The following SLC12A1 variants were observed in gnomAD, a reference collection of about 807,000 sequenced individuals.
SLC12A1 encodes solute carrier family 12 member 1, also known as Na-K-2Cl cotransporter.
SLC12A1 carries 89 observed loss-of-function variants against 130.4 expected under a neutral mutation model. The observed-to-expected ratio is 0.68, with a 90% CI of 0.58 to 0.81. The LOEUF (loss-of-function observed/expected upper bound fraction) is 0.81. SLC12A1 is among the 40% of genes least tolerant of loss of function. The probability of loss-of-function intolerance (pLI) is 0.00; values close to 1 mark genes in which losing one functional copy is unlikely to be tolerated. For missense variants in SLC12A1, 1,310 were observed against 1,336.4 expected (o/e 0.98, Z 0.31); for synonymous variants, 499 against 460.0 (o/e 1.08, Z -1.09).
intron 23 of SLC12A1, 140 bp from the exon 24 acceptor site, chr15:48,291,636 AAC>A: frequency 1.6e-6 from 1 of 642,988 alleles, no homozygotes; most frequent in Non-Finnish European, 2.8e-6. Context: ...ATGAAAATCA[AAC>A]ACCAACCAAA....
At position 48,241,587 on chromosome 15, in the gene SLC12A1, G is replaced by A; in HGVS notation, c.1288G>A (p.Ala430Thr). Reference sequence around the variant, plus strand: ...CACCACTGTTGCCTACTTAGGGGTTGCAATTTGTGTAGGTAAGTGGTACGT... The same window carrying A: ...CACCACTGTTGCCTACTTAGGGGTTACAATTTGTGTAGGTAAGTGGTACGT... ...FITTVAYLGV[A>T]ICVGACVVRD... Residue 430 changes from alanine to threonine, a missense_variant, in exon 10 of 27, where the codon GCA (alanine) becomes ACA (threonine). Physicochemically the swap from Ala to Thr is moderately conservative, Grantham distance 58. Transcript: ENST00000380993. 2 of 1,613,010 alleles carry A rather than the reference G, an allele frequency of 1.2e-6. No individual in the cohort carries two copies. The highest frequency in any genetic ancestry group is 1.7e-6 in the Non-Finnish European group (2 of 1,179,046).
rs1204474368 is a variant in SLC12A1 at position 48,278,094 on chromosome 15, TG to T, written c.2485+3442del. On this transcript the variant is annotated intron_variant, in intron 20 of 26. Coordinates refer to ENST00000380993, the MANE Select transcript of SLC12A1 (RefSeq NM_000338.3). The stretch of plus-strand genomic sequence containing the variant: ...CCACTCAGTGAGTATTCACTATTAA[TG>T]TATATTCCCTCCTAGTAGAACTTAA... 2.0e-5 allele frequency among the ~76,000 whole-genome samples: 3 copies of T among 152,196 alleles called. No individual in the cohort carries two copies. In the East Asian group the frequency reaches 5.8e-4, roughly 29 times the overall value.
intron 16 of SLC12A1, 91 bp downstream of exon 16, chr15:48,256,001 C>T: frequency 2.6e-6 from 2 of 774,720 alleles, no homozygotes; most frequent in Non-Finnish European, 4.5e-6. Flanking sequence ...TAGTTATAAG[C>T]TTTAGGGGTA....
At chr15:48,259,910 C>A (rs1343204109) in intron 17 of SLC12A1, among the ~76,000 whole-genome samples, 1 of 152,088 alleles carries the variant, frequency 6.6e-6, no homozygotes, top group African/African-American at 2.4e-5. Flanking sequence ...AAAACTGGTG[C>A]TAGTAATTTA....
intron 23 of SLC12A1, among the ~76,000 whole-genome samples, chr15:48,289,405 A>ATC (rs2042094444): frequency 8.9e-6 from 1 of 112,246 alleles, no homozygotes; most frequent in Non-Finnish European, 1.7e-5. Context: ...ATATATATAT[A>ATC]TATATATATA....
intron 23 of SLC12A1, among the ~76,000 whole-genome samples, chr15:48,289,576 A>G (rs61999062): frequency 6.6e-6 from 1 of 152,064 alleles, no homozygotes; most frequent in East Asian, 1.9e-4. Flanking sequence ...CATAGAGTGT[A>G]CTTACACAAA....
chr15:48,297,378 C>A (rs1250427890), intron 24 of SLC12A1, among the ~76,000 whole-genome samples: 1 of 152,116 alleles, frequency 6.6e-6, no homozygotes, highest in Non-Finnish European at 1.5e-5. Context: ...GTTATGTGCC[C>A]ACCTGGCCAA....
rs538096803 is a variant in SLC12A1 at position 48,216,662 on chromosome 15, A to AT, written c.421-3964dup. On this transcript the variant is annotated intron_variant, in intron 2 of 26. Coordinates refer to ENST00000380993, the MANE Select transcript of SLC12A1 (RefSeq NM_000338.3). ...ATTTTGATTAACTAGAATATTGACAATTTTTTTTAAAGTTTTTCTCAAATC... is the reference window on the plus strand; with the variant it reads ...ATTTTGATTAACTAGAATATTGACAATTTTTTTTTAAAGTTTTTCTCAAATC... Among the ~76,000 whole-genome samples, 45 of 152,178 alleles carry AT rather than the reference A, an allele frequency of 3.0e-4. No individual in the cohort carries two copies. In the East Asian group the frequency reaches 8.1e-3, roughly 27 times the overall value.
rs778408731 is a variant in SLC12A1 at position 48,302,868 on chromosome 15, T to A, written c.3283T>A (p.Leu1095Met). Residue 1095 changes from leucine (L) to methionine (M), a missense_variant, in exon 27 of 27, where the codon TTG becomes ATG. By Grantham distance (15) the Leu-to-Met change is conservative. Transcript: ENST00000380993. ...AGTTAGAGGAAATCACAAAAATGTC[T>A]TGACATTTTACTCTTAAAACATGAA... is the stretch of plus-strand genomic sequence containing the variant. ...LLVRGNHKNV[L>M]TFYS 3 of 1,609,906 alleles carry A rather than the reference T, an allele frequency of 1.9e-6. No individual in the cohort carries two copies. Among genetic ancestry groups the A allele is most frequent in the Non-Finnish European group, 1.7e-6 (2 of 1,176,482 alleles).
chr15:48,254,746 T>C (rs1280332341), intron 15 of SLC12A1, among the ~76,000 whole-genome samples: 3 of 147,346 alleles, frequency 2.0e-5, no homozygotes, highest in Admixed American at 1.4e-4. Context: ...ACGGTGAAAC[T>C]CCGTCTCTAC....
At chr15:48,255,247 G>T (rs982131183) in intron 15 of SLC12A1, among the ~76,000 whole-genome samples, 9 of 152,014 alleles carry the variant, frequency 5.9e-5, no homozygotes, top group Admixed American at 2.6e-4. Context: ...AGACCAGTCT[G>T]GCCAATATGG....
At chr15:48,272,065 G>A (rs2041903933) in intron 19 of SLC12A1, among the ~76,000 whole-genome samples, 1 of 152,136 alleles carries the variant, frequency 6.6e-6, no homozygotes, top group African/African-American at 2.4e-5. Flanking sequence ...TCCAAAGGGA[G>A]CAAAATAATC....
At chr15:48,297,565 T>A (rs764304182) in intron 24 of SLC12A1, among the ~76,000 whole-genome samples, 6 of 152,264 alleles carry the variant, frequency 3.9e-5, no homozygotes, top group Non-Finnish European at 8.8e-5. Flanking sequence ...TAACAAGGAT[T>A]TGGGCTGAGC....
intron 10 of SLC12A1, 67 bp downstream of exon 10, chr15:48,241,666 A>C: frequency 9.3e-7 from 1 of 1,073,250 alleles, no homozygotes; most frequent in South Asian, 1.3e-5. Context: ...ACGTCTAGTG[A>C]GCTTTCAATG....
intron 4 of SLC12A1, chr15:48,221,300 T>A (rs759373794): frequency 1.4e-6 from 1 of 701,552 alleles, no homozygotes; most frequent in South Asian, 1.5e-5. Flanking sequence ...AATATTTGTA[T>A]TGGGGGACAT....
At chr15:48,222,067 C>T (rs1230926835) in intron 4 of SLC12A1, among the ~76,000 whole-genome samples, 1 of 152,212 alleles carries the variant, frequency 6.6e-6, no homozygotes, top group African/African-American at 2.4e-5. Flanking sequence ...CAGAGGGCTG[C>T]TTGCCGGTTT....
intron 25 of SLC12A1, among the ~76,000 whole-genome samples, chr15:48,300,993 C>T (rs534144358): frequency 1.1e-4 from 17 of 152,344 alleles, no homozygotes; most frequent in Non-Finnish European, 2.1e-4. Flanking sequence ...GTTCATGAGG[C>T]TCCTTGTAGT....
intron 25 of SLC12A1, among the ~76,000 whole-genome samples, chr15:48,300,297 T>C (rs918252300): frequency 1.3e-5 from 2 of 150,528 alleles, no homozygotes; most frequent in Non-Finnish European, 3.0e-5. Flanking sequence ...TGTACTCTAG[T>C]CTGGATGATA....
intron 10 of SLC12A1, among the ~76,000 whole-genome samples, chr15:48,243,061 T>G (rs1300855750): frequency 6.6e-6 from 1 of 152,106 alleles, no homozygotes; most frequent in Non-Finnish European, 1.5e-5. Flanking sequence ...TTCTACACTT[T>G]CCTAGTATAG....
Sources: allele counts gnomAD v4.1 joint callset (sites outside exome capture counted in the v4.1 genomes callset), GRCh38; gene constraint gnomAD v4.1.1; transcripts MANE v1.5; gene names NCBI Gene and HGNC (gene_info 2026-07-23, HGNC 2026-07-21).